SLC1A2: variants seen among roughly 807,000 people sequenced by gnomAD.
SLC1A2 encodes the protein excitatory amino acid transporter 2.
A neutral mutation model predicts 48.8 loss-of-function variants in SLC1A2; 15 were observed. The ratio of observed to expected loss-of-function variants is 0.31; its 90% CI spans 0.21 to 0.47. SLC1A2 has a LOEUF of 0.47. Among genes scored for constraint, SLC1A2 ranks in the 20% least tolerant of loss-of-function variants. SLC1A2 has a pLI of 0.99. For missense variants in SLC1A2, 502 were observed against 730.5 expected (o/e 0.69, Z 3.61); for synonymous variants, 279 against 272.6 (o/e 1.02, Z -0.23).
chr11:35,327,736 C>T (rs1852294968), intron 1 of SLC1A2, among the ~76,000 whole-genome samples: 1 of 152,136 alleles, frequency 6.6e-6, no homozygotes, highest in African/African-American at 2.4e-5. Flanking sequence ...TTAATGACAT[C>T]CCGGAGAGGG....
chr11:35,280,732 G>C, intron 9 of SLC1A2, 135 bp downstream of exon 9: 1 of 582,966 alleles, frequency 1.7e-6, no homozygotes, highest in Non-Finnish European at 3.0e-6. Context: ...CAGTAAATGT[G>C]AGCGGGAAGG....
At chr11:35,299,566 A>G (rs1031743460) in intron 6 of SLC1A2, 7 of 152,154 alleles carry the variant, frequency 4.6e-5, no homozygotes, top group African/African-American at 1.7e-4. Context: ...TGATCTGAAC[A>G]AGCCAGGTCT....
intron 1 of SLC1A2, among the ~76,000 whole-genome samples, chr11:35,405,658 C>T (rs1415388358): frequency 6.6e-6 from 1 of 152,162 alleles, no homozygotes; most frequent in Non-Finnish European, 1.5e-5. Context: ...ACTGCAGATA[C>T]AGGAGTTTGT....
At chr11:35,279,884 C>G (rs770699681) in intron 9 of SLC1A2, among the ~76,000 whole-genome samples, 3 of 152,240 alleles carry the variant, frequency 2.0e-5, no homozygotes, top group Non-Finnish European at 4.4e-5. Context: ...TTGATATTCT[C>G]CGCTCTGTCC....
At chr11:35,370,941 C>T (rs1854038488) in intron 1 of SLC1A2, 3 of 984,900 alleles carry the variant, frequency 3.0e-6, no homozygotes, top group Admixed American at 1.2e-4. Context: ...GAAAACTTGC[C>T]TTGCTTATTT....
chr11:35,364,498 A>G (rs1853780139), intron 1 of SLC1A2, among the ~76,000 whole-genome samples: 1 of 152,196 alleles, frequency 6.6e-6, no homozygotes, highest in South Asian at 2.1e-4. Context: ...GTAACTATCT[A>G]CCTAAAGACT....
chr11:35,359,739 C>T (rs550950003), intron 1 of SLC1A2, among the ~76,000 whole-genome samples: 3 of 152,356 alleles, frequency 2.0e-5, no homozygotes, highest in Admixed American at 6.5e-5. Context: ...TATTCAGCAT[C>T]CTAAGATGTT....
chr11:35,328,537 C>T (rs1181133444), intron 1 of SLC1A2, among the ~76,000 whole-genome samples: 1 of 152,174 alleles, frequency 6.6e-6, no homozygotes, highest in Non-Finnish European at 1.5e-5. Flanking sequence ...TGCTCAATGT[C>T]ACAAAAGTAA....
intron 9 of SLC1A2, among the ~76,000 whole-genome samples, chr11:35,274,561 TTG>T (rs199559536): frequency 4.7e-5 from 7 of 150,328 alleles, no homozygotes; most frequent in Admixed American, 6.6e-5. Context: ...TTAGTTAAGT[TTG>T]TGTGTGTGTG....
At chr11:35,400,914 A>AT (rs898457916) in intron 1 of SLC1A2, among the ~76,000 whole-genome samples, 1 of 150,472 alleles carries the variant, frequency 6.6e-6, no homozygotes, top group African/African-American at 2.4e-5. Context: ...CACTTTATAC[A>AT]TTTTGGGGAG....
In SLC1A2 at chr11:35,251,293, T is replaced by C. The variant is rs775660044; in HGVS notation, c.*9601A>G. On this transcript the variant is annotated 3_prime_UTR_variant, in exon 11 of 11. Coordinates refer to ENST00000278379, the MANE Select transcript of SLC1A2 (RefSeq NM_004171.4). ...TATTGGATTCACAGGTTATTTCCAG[T>C]ATATAAAGAATATCCAGTTATTTTA... 2 of 152,644 alleles carry C rather than the reference T, an allele frequency of 1.3e-5. No homozygotes were observed. Among genetic ancestry groups the C allele is most frequent in the Admixed American group, 6.5e-5 (1 of 15,276 alleles). 9.5% of individuals were successfully genotyped at this position (152,644 alleles called of 1,614,324 possible).
intron 1 of SLC1A2, among the ~76,000 whole-genome samples, chr11:35,330,333 G>A (rs987307512): frequency 3.9e-5 from 6 of 152,170 alleles, no homozygotes; most frequent in Non-Finnish European, 8.8e-5. Context: ...CCTCCAGCAC[G>A]TCAGATTCTA....
At chr11:35,276,544 G>A (rs1850446490) in intron 9 of SLC1A2, among the ~76,000 whole-genome samples, 1 of 152,150 alleles carries the variant, frequency 6.6e-6, no homozygotes, top group Admixed American at 6.5e-5. Context: ...GTGTAAGCAT[G>A]TGAGCACCTG....
chr11:35,313,216 C>T (rs148988543), intron 3 of SLC1A2, among the ~76,000 whole-genome samples: 1 of 152,292 alleles, frequency 6.6e-6, no homozygotes, highest in Admixed American at 6.5e-5. Flanking sequence ...TTCTGTGCCA[C>T]ACTCAAAATG....
chr11:35,366,294 T>TC (rs1853847935), intron 1 of SLC1A2, among the ~76,000 whole-genome samples: 1 of 152,106 alleles, frequency 6.6e-6, no homozygotes. Context: ...ACGTCCCTCC[T>TC]CTCTGTCCCT....
At chr11:35,275,924 C>G (rs1333045402) in intron 9 of SLC1A2, among the ~76,000 whole-genome samples, 1 of 152,162 alleles carries the variant, frequency 6.6e-6, no homozygotes, top group East Asian at 1.9e-4. Context: ...CAACCAAGAG[C>G]TAGTTTCCAG....
chr11:35,261,574 C>T, intron 10 of SLC1A2: 1 of 397,720 alleles, frequency 2.5e-6, no homozygotes. Context: ...AATTACCAGA[C>T]CATCTATATT....
intron 1 of SLC1A2, among the ~76,000 whole-genome samples, chr11:35,334,918 CTG>C (rs2135004196): frequency 6.6e-6 from 1 of 152,152 alleles, no homozygotes; most frequent in South Asian, 2.1e-4. Flanking sequence ...TGAGAAGTGA[CTG>C]TTAGTCATTT....
At chr11:35,269,579 A>C (rs1474964088) in intron 9 of SLC1A2, among the ~76,000 whole-genome samples, 2 of 152,218 alleles carry the variant, frequency 1.3e-5, no homozygotes, top group Non-Finnish European at 2.9e-5. Context: ...AGTGGTTGAC[A>C]TAAGTTTACA....
Sources: allele counts gnomAD v4.1 joint callset (sites outside exome capture counted in the v4.1 genomes callset), GRCh38; gene constraint gnomAD v4.1.1; transcripts MANE v1.5; gene names NCBI Gene and HGNC (gene_info 2026-07-23, HGNC 2026-07-21).